NIPAL1: variants seen among roughly 807,000 people sequenced by gnomAD.
The protein encoded by NIPAL1 is NIPA like domain containing 1.
In NIPAL1, 35 loss-of-function variants were observed where a neutral mutation model predicts 37.7. The observed-to-expected ratio is 0.93, with a 90% CI of 0.71 to 1.23. The LOEUF is 1.23. Ranked by LOEUF, NIPAL1 falls within the 50% of genes most tolerant of loss-of-function variation. NIPAL1 has a pLI of 0.00. For synonymous variants in NIPAL1, 162 were observed against 183.0 expected (o/e 0.89, Z 0.93); for missense variants, 412 against 473.9 (o/e 0.87, Z 1.21).
At chr4:48,034,739 C>T in intron 4 of NIPAL1, 142 bp from the exon 5 acceptor site, 1 of 611,410 alleles carries the variant, frequency 1.6e-6, no homozygotes, top group East Asian at 2.8e-5. Context: ...TCAAACCAAT[C>T]TAGGGTTTCA....
intron 1 of NIPAL1, among the ~76,000 whole-genome samples, chr4:48,017,546 C>G (rs1715461172): frequency 6.6e-6 from 1 of 152,222 alleles, no homozygotes; most frequent in Non-Finnish European, 1.5e-5. Flanking sequence ...ACCGGGAGCA[C>G]TCGTTTGCAG....
At chr4:48,020,568 C>T (rs1255086795) in intron 1 of NIPAL1, among the ~76,000 whole-genome samples, 3 of 152,166 alleles carry the variant, frequency 2.0e-5, no homozygotes, top group African/African-American at 4.8e-5. Flanking sequence ...GTGGGATGAG[C>T]TCAGATCTGC....
chr4:48,035,773 T>G lies in NIPAL1; in HGVS notation c.834T>G (p.Val278=), dbSNP rs547811092. Residue 278 remains valine (V), a synonymous_variant, in exon 6 of 6, where the codon GTT becomes GTG. Coordinates refer to ENST00000295461, the MANE Select transcript of NIPAL1 (RefSeq NM_207330.3). ...TTTACAAACATCCGCTGGTCTTTGT[T>G]TTGCTGGCTGTACTTGTGCTTTCAG... ...KPVYKHPLVF[V]LLAVLVLSVT... is the part of the protein sequence containing the mutation. The G allele has an allele frequency of 1.9e-6, 3 of 1,614,198 alleles. No individual in the cohort carries two copies. The South Asian group carries it at 3.3e-5, about 18-fold the overall frequency.
chr4:48,021,245 A>G (rs1715561149), intron 1 of NIPAL1, among the ~76,000 whole-genome samples: 3 of 152,218 alleles, frequency 2.0e-5, no homozygotes, highest in South Asian at 4.1e-4. Flanking sequence ...ATGAGGCACC[A>G]GTATTGTAAG....
intron 5 of NIPAL1, 105 bp downstream of exon 5, chr4:48,035,146 G>A (rs1337451866): frequency 1.4e-5 from 13 of 949,830 alleles, no homozygotes; most frequent in East Asian, 5.1e-5. Context: ...ATTGTGGGCC[G>A]CATTGTGGGT....
chr4:48,025,848 C>G (rs1482163216), intron 2 of NIPAL1, among the ~76,000 whole-genome samples: 2 of 152,152 alleles, frequency 1.3e-5, no homozygotes, highest in Non-Finnish European at 2.9e-5. Flanking sequence ...GCTTTTCTCC[C>G]CATCACCTAC....
chr4:48,035,838 C>A lies in NIPAL1; in HGVS notation c.899C>A (p.Thr300Asn). 6.2e-7 allele frequency: 1 copy of A among 1,614,104 alleles called. No individual in the cohort carries two copies. The highest frequency in any genetic ancestry group is 1.6e-4 in the Middle Eastern group (1 of 6,062). The change falls in exon 6 of 6, where the codon ACC (threonine) becomes AAC (asparagine). Residue 300 changes from threonine to asparagine, a missense_variant. Coordinates refer to ENST00000295461, the MANE Select transcript of NIPAL1 (RefSeq NM_207330.3). The part of the protein sequence containing the change: ...QINYLNKALD[T>N]FNTSLVTPIY... Reference sequence around the variant, plus strand: ...AACTATCTCAACAAGGCACTGGACACCTTTAATACCTCTCTTGTGACACCC... The same window carrying A: ...AACTATCTCAACAAGGCACTGGACAACTTTAATACCTCTCTTGTGACACCC...
intron 2 of NIPAL1, 106 bp downstream of exon 2, chr4:48,025,440 T>C: frequency 1.1e-5 from 12 of 1,133,562 alleles, no homozygotes; most frequent in Non-Finnish European, 1.5e-5. Flanking sequence ...ATTATAGTTA[T>C]TGATTTTTTT....
At chr4:48,025,663 A>G (rs565724465) in intron 2 of NIPAL1, among the ~76,000 whole-genome samples, 4 of 152,322 alleles carry the variant, frequency 2.6e-5, no homozygotes, top group Admixed American at 1.3e-4. Flanking sequence ...AGAATCTGCT[A>G]TAAATGAGCA....
intron 4 of NIPAL1, among the ~76,000 whole-genome samples, chr4:48,033,399 A>G (rs1305296951): frequency 6.6e-6 from 1 of 152,218 alleles, no homozygotes; most frequent in Non-Finnish European, 1.5e-5. Flanking sequence ...TATTTTAAAA[A>G]CCTAAGACAC....
chr4:48,024,970 A>G, intron 1 of NIPAL1, 98 bp from the exon 2 acceptor site: 1 of 1,028,398 alleles, frequency 9.7e-7, no homozygotes, highest in Non-Finnish European at 1.5e-6. Flanking sequence ...AAAATGTTTC[A>G]GTACCATCCA....
intron 5 of NIPAL1, 92 bp from the exon 6 acceptor site, chr4:48,035,470 C>A: frequency 8.8e-7 from 1 of 1,134,234 alleles, no homozygotes; most frequent in Non-Finnish European, 1.3e-6. Flanking sequence ...TTCTAAAATA[C>A]CTATGCTCTT....
intron 1 of NIPAL1, among the ~76,000 whole-genome samples, chr4:48,024,006 C>T (rs1577623111): frequency 1.5e-5 from 2 of 137,854 alleles, no homozygotes; most frequent in Admixed American, 7.6e-5. Flanking sequence ...GAGATAGTCT[C>T]GTTCTGTCAC....
intron 1 of NIPAL1, among the ~76,000 whole-genome samples, chr4:48,020,687 C>T (rs1715550921): frequency 6.6e-6 from 1 of 152,168 alleles, no homozygotes; most frequent in South Asian, 2.1e-4. Flanking sequence ...TGAAATCTAG[C>T]TTCATATCAC....
At chr4:48,034,185 T>C (rs1715875673) in intron 4 of NIPAL1, among the ~76,000 whole-genome samples, 1 of 152,236 alleles carries the variant, frequency 6.6e-6, no homozygotes, top group South Asian at 2.1e-4. Flanking sequence ...TAAGGAAGTA[T>C]TTTGATATTT....
Position 48,038,939 on chromosome 4 carries a change from A to G in NIPAL1, c.*2767A>G, listed in dbSNP as rs1033465124. 6.6e-6 allele frequency: 1 copy of G among 152,202 alleles called. No homozygotes were observed. The highest frequency in any genetic ancestry group is 1.5e-5 in the Non-Finnish European group (1 of 68,040). The allele number at this position is 152,202 out of a possible 1,614,324, so 9.4% of individuals were successfully genotyped here. A position where few individuals can be genotyped will look rare whatever the true frequency, so the allele number is the denominator to read the frequency against. ...TGCATGCCCAGGAGGAAGACTGGGA[A>G]AGATTTAATGAGTTGAAGTATGCTG... On this transcript the variant is annotated 3_prime_UTR_variant, in exon 6 of 6. Transcript: ENST00000295461.
At chr4:48,023,549 G>A (rs983987184) in intron 1 of NIPAL1, among the ~76,000 whole-genome samples, 26 of 152,048 alleles carry the variant, frequency 1.7e-4, no homozygotes, top group Admixed American at 1.7e-3. Context: ...TTTTGTTTAG[G>A]GTAATTCATA....
chr4:48,030,325 C>T (rs909641913), intron 3 of NIPAL1, 149 bp downstream of exon 3: 13 of 413,264 alleles, frequency 3.1e-5, no homozygotes, highest in Non-Finnish European at 4.7e-5. Context: ...ATATATTGTC[C>T]TATATATACT....
chr4:48,034,502 ATCTT>A (rs1715883401), intron 4 of NIPAL1, among the ~76,000 whole-genome samples: 1 of 152,190 alleles, frequency 6.6e-6, no homozygotes, highest in South Asian at 2.1e-4. Context: ...TTAGGAATGT[ATCTT>A]TCTTGGAAAC....
Sources: gnomAD v4.1 joint callset for allele counts (sites outside exome capture counted in the v4.1 genomes callset) on GRCh38, gnomAD v4.1.1 for gene constraint, MANE v1.5 for transcripts, NCBI Gene and HGNC (gene_info 2026-07-23, HGNC 2026-07-21) for gene names.